Variants in PPFIBP2 observed in about 807,000 individuals in gnomAD.
The protein encoded by PPFIBP2 is PPFIB scaffold protein 2.
A neutral mutation model predicts 118.3 loss-of-function variants in PPFIBP2; 118 were observed. The ratio of observed to expected loss-of-function variants is 1.00; its 90% CI spans 0.86 to 1.16. The LOEUF (loss-of-function observed/expected upper bound fraction) is 1.16, where lower values mean the gene tolerates loss of function less well. PPFIBP2 is among the 50% of genes most tolerant of loss of function. The pLI is 0.00. For missense variants in PPFIBP2, 1,195 were observed against 1,073.1 expected (o/e 1.11, Z -1.59); for synonymous variants, 414 against 397.4 (o/e 1.04, Z -0.50).
chr11:7,597,294 G>A, intron 4 of PPFIBP2: 1 of 1,535,564 alleles, frequency 6.5e-7, no homozygotes, highest in Non-Finnish European at 8.7e-7. Flanking sequence ...TGTGGCTGTT[G>A]GGTGTTTTAC....
downstream of PPFIBP2, chr11:7,655,471 C>T (rs1209689399): frequency 1.6e-6 from 2 of 1,289,690 alleles, no homozygotes; most frequent in African/African-American, 3.0e-5. Context: ...AGATAGGGCT[C>T]CTCTCCCAAG....
chr11:7,566,510 G>A (rs575513096), intron 3 of PPFIBP2, among the ~76,000 whole-genome samples: 12 of 152,092 alleles, frequency 7.9e-5, no homozygotes, highest in Admixed American at 3.3e-4. Flanking sequence ...GCAGAAGTGC[G>A]AGCCACACCT....
chr11:7,656,712 C>T, downstream of PPFIBP2: 1 of 1,289,848 alleles, frequency 7.8e-7, no homozygotes, highest in South Asian at 1.2e-5. Flanking sequence ...GACCCTTCGG[C>T]TGTGTCCTTT....
intron 7 of PPFIBP2, among the ~76,000 whole-genome samples, chr11:7,621,705 T>G (rs553700510): frequency 3.3e-4 from 51 of 152,352 alleles, no homozygotes; most frequent in Admixed American, 9.1e-4. Context: ...TTATTTAAAT[T>G]TCAGGAAGTT....
downstream of PPFIBP2, chr11:7,657,158 G>C (rs1409446340): frequency 4.7e-6 from 1 of 210,648 alleles, no homozygotes; most frequent in Non-Finnish European, 9.7e-6. Context: ...GGGAAGAGCT[G>C]TTAGTTCATA....
At chr11:7,577,681 T>A (rs1393874260) in intron 3 of PPFIBP2, 2 of 452,040 alleles carry the variant, frequency 4.4e-6, no homozygotes, top group South Asian at 3.1e-5. Flanking sequence ...TGGAGATAAG[T>A]GAGGGGGAGA....
chr11:7,656,884 C>T, downstream of PPFIBP2: 1 of 1,015,720 alleles, frequency 9.8e-7, no homozygotes, highest in Non-Finnish European at 1.4e-6. Flanking sequence ...ACAGCCCCCT[C>T]TGCAAGCCCA....
rs1308987433 is a variant in PPFIBP2, at chr11:7,616,074, G to T, written c.619-4861G>T. On this transcript the variant is annotated intron_variant, in intron 6 of 23. Transcript: ENST00000299492. The surrounding 1 kb of genome is among the most constrained non-coding windows in gnomAD (Gnocchi z 5.2). ...AGACAAAAGTGCACCTGCATGACCA[G>T]TGTCAGGAAGGGGACATCCGAAACT... 6.6e-6 allele frequency among the ~76,000 whole-genome samples: 1 copy of T among 152,178 alleles called. No homozygotes were observed. Among genetic ancestry groups the T allele is most frequent in the Non-Finnish European group, 1.5e-5 (1 of 68,040 alleles).
chr11:7,532,740 G>C (rs750416726), intron 1 of PPFIBP2, among the ~76,000 whole-genome samples: 19 of 152,194 alleles, frequency 1.2e-4, no homozygotes, highest in African/African-American at 1.4e-4. Context: ...TGTTGACAGT[G>C]CACACAGGCC....
chr11:7,625,836 G>C lies in PPFIBP2; in HGVS notation c.771G>C (p.Leu257=). Residue 257 remains leucine, a synonymous_variant, in exon 8 of 24, where the codon CTG becomes CTC. Transcript: ENST00000299492. Reference sequence around the variant, plus strand: ...TGAAAGATGCAGAAATTGAGCGTCTGCACAGCCAGCTCTCCCGGACAGCAG... The same window carrying C: ...TGAAAGATGCAGAAATTGAGCGTCTCCACAGCCAGCTCTCCCGGACAGCAG... ...VALKDAEIER[L]HSQLSRTAAL... is the part of the protein sequence containing the mutation. 6.2e-7 allele frequency: 1 copy of C among 1,614,244 alleles called. No individual in the cohort carries two copies. Among genetic ancestry groups the C allele is most frequent in the Non-Finnish European group, 8.5e-7 (1 of 1,180,040 alleles).
intron 3 of PPFIBP2, chr11:7,571,591 T>G (rs1360977453): frequency 6.6e-6 from 1 of 152,204 alleles, no homozygotes; most frequent in Non-Finnish European, 1.5e-5. Flanking sequence ...GTTTTGTAGG[T>G]AAACCTTTTC....
At chr11:7,519,949 G>A (rs1193634480) in intron 1 of PPFIBP2, among the ~76,000 whole-genome samples, 1 of 152,164 alleles carries the variant, frequency 6.6e-6, no homozygotes, top group African/African-American at 2.4e-5. Flanking sequence ...CATGCACAGA[G>A]AGGCGACTGG....
the PPFIBP2 span, among the ~76,000 whole-genome samples, chr11:7,663,746 C>G: frequency 6.6e-6 from 1 of 152,238 alleles, no homozygotes; most frequent in Non-Finnish European, 1.5e-5. Context: ...CCTCCCCCAG[C>G]CTCGCTGCTG....
the PPFIBP2 span, chr11:7,665,579 C>G: frequency 0.39 from 604,079 of 1,563,658 alleles, 122,607 homozygotes; most frequent in Non-Finnish European, 0.42. Context: ...GCAAGCTGAG[C>G]GATGCCAGGT....
rs774307080 is a variant in PPFIBP2, at chr11:7,630,998, T to C, written c.1038T>C (p.Asn346=). The change falls in exon 11 of 24, where the codon AAT becomes AAC. Residue 346 remains asparagine (N), a synonymous_variant. Coordinates refer to ENST00000299492, the MANE Select transcript of PPFIBP2 (RefSeq NM_003621.5). ...GTTTCAGCAAGTGGAACGCTACAAA[T>C]AAGGACCCTGAAGAATTATTTAAAC... ...EGGFSKWNAT[N]KDPEELFKQE... 12 of 1,613,732 alleles carry C rather than the reference T, an allele frequency of 7.4e-6. No individual in the cohort carries two copies. The highest frequency in any genetic ancestry group is 1.0e-5 in the Non-Finnish European group (12 of 1,179,764).
intron 21 of PPFIBP2, 151 bp from the exon 22 acceptor site, chr11:7,650,689 G>C (rs1437967907): frequency 3.0e-6 from 2 of 664,374 alleles, no homozygotes; most frequent in Non-Finnish European, 4.8e-6. Context: ...GGAGGCTGGT[G>C]CTCTGGCAGA....
chr11:7,522,894 A>G (rs1590103421), intron 1 of PPFIBP2, among the ~76,000 whole-genome samples: 1 of 152,316 alleles, frequency 6.6e-6, no homozygotes, highest in Non-Finnish European at 1.5e-5. Flanking sequence ...CAATCAATTT[A>G]TCAATTCCAT....
At chr11:7,619,399 G>T (rs1363581436) in intron 6 of PPFIBP2, among the ~76,000 whole-genome samples, 1 of 152,212 alleles carries the variant, frequency 6.6e-6, no homozygotes. Flanking sequence ...AATTATCCAT[G>T]TGGCTAGAGC....
intron 3 of PPFIBP2, chr11:7,573,963 C>G (rs1855963311): frequency 6.6e-6 from 1 of 152,258 alleles, no homozygotes; most frequent in African/African-American, 2.4e-5. Context: ...AGGAGTAACA[C>G]CTCAGGGGGC....
Sources: allele counts gnomAD v4.1 joint callset (sites outside exome capture counted in the v4.1 genomes callset), GRCh38; gene constraint gnomAD v4.1.1; non-coding constraint Gnocchi (gnomAD v3.1); transcripts MANE v1.5; gene names NCBI Gene and HGNC (gene_info 2026-07-23, HGNC 2026-07-21).